MYO5B: variants seen among roughly 807,000 people sequenced by gnomAD.
MYO5B encodes myosin VB, also known as unconventional myosin-Vb.
MYO5B carries 143 observed loss-of-function variants against 229.3 expected under a neutral mutation model. The observed-to-expected ratio is 0.62, with a 90% CI of 0.54 to 0.72. The LOEUF (loss-of-function observed/expected upper bound fraction) is 0.72, where lower values mean the gene tolerates loss of function less well. Ranked by LOEUF, MYO5B falls within the 30% of genes least tolerant of loss-of-function variation. The pLI, the probability that MYO5B is intolerant of heterozygous loss-of-function variation, is 0.00. For synonymous variants in MYO5B, 918 were observed against 885.2 expected, an observed-to-expected ratio of 1.04 and a Z score of -0.66; for missense variants, 2,321 against 2,331.0, an observed-to-expected ratio of 1.00 and a Z score of 0.09.
chr18:50,069,774 A>T (rs1216590932), intron 1 of MYO5B, among the ~76,000 whole-genome samples: 8 of 152,162 alleles, frequency 5.3e-5, no homozygotes. Flanking sequence ...AACTGAACCC[A>T]GAAATAGACC....
intron 21 of MYO5B, among the ~76,000 whole-genome samples, chr18:49,899,417 C>T (rs2024816200): frequency 6.6e-6 from 1 of 152,160 alleles, no homozygotes; most frequent in Non-Finnish European, 1.5e-5. Context: ...ACTTTAAATG[C>T]CAGCCGGTCC....
rs374195912 is a variant in MYO5B, at chr18:49,894,990, C to T, written c.2996G>A (p.Arg999His). ...GCTGTGGGCGTCCTCCAAGATCTTG[C>T]GCTCCGAGTGGGCCCTCTGCAGCTC... is the stretch of plus-strand genomic sequence containing the variant. Reference protein sequence around the residue: ...RTELQRAHSERKILEDAHSRE... With the variant: ...RTELQRAHSEHKILEDAHSRE... The change falls in exon 22 of 40, where the codon CGC (arginine) becomes CAC (histidine). Residue 999 changes from arginine to histidine, a missense_variant. By Grantham distance (29) the Arg-to-His change is conservative (BLOSUM62 0). Transcript: ENST00000285039. 1.9e-5 allele frequency: 31 copies of T among 1,613,654 alleles called. No individual in the cohort carries two copies. Among genetic ancestry groups the T allele is most frequent in the Admixed American group, 1.2e-4 (7 of 60,000 alleles).
intron 1 of MYO5B, among the ~76,000 whole-genome samples, chr18:50,115,266 C>T (rs2031937560): frequency 1.3e-5 from 2 of 152,202 alleles, no homozygotes; most frequent in Admixed American, 6.5e-5. Flanking sequence ...TTCAAACACA[C>T]CACAAGGTCC....
intron 21 of MYO5B, among the ~76,000 whole-genome samples, chr18:49,895,911 G>T (rs563624809): frequency 6.6e-6 from 1 of 152,218 alleles, no homozygotes; most frequent in Non-Finnish European, 1.5e-5. Flanking sequence ...AATCAGCACC[G>T]CAAGAGTTGA....
At position 50,142,916 on chromosome 18, in the gene MYO5B, G is replaced by C. The variant is rs139898074; in HGVS notation, c.27+51851C>G. 7.9e-5 allele frequency among the ~76,000 whole-genome samples: 12 copies of C among 152,272 alleles called. 1 individual carries two copies. In the East Asian group the frequency reaches 2.3e-3, roughly 29 times the overall value. On this transcript the variant is annotated intron_variant, in intron 1 of 39. Transcript: ENST00000285039. Reference sequence around the variant, plus strand: ...TGAAGATGAGTGCCAGCAGACATACGATAGGAAAACACCTAAGAATGGAAA... The same window carrying C: ...TGAAGATGAGTGCCAGCAGACATACCATAGGAAAACACCTAAGAATGGAAA...
intron 1 of MYO5B, among the ~76,000 whole-genome samples, chr18:50,180,250 C>T (rs998579880): frequency 1.1e-4 from 17 of 152,286 alleles, no homozygotes; most frequent in African/African-American, 3.6e-4. Flanking sequence ...CCACACTGCC[C>T]CGCACTGGGC....
intron 1 of MYO5B, among the ~76,000 whole-genome samples, chr18:50,082,672 C>T (rs1332518649): frequency 6.6e-6 from 1 of 152,198 alleles, no homozygotes; most frequent in Non-Finnish European, 1.5e-5. Flanking sequence ...CTTCCAACTT[C>T]TGTCCCTCCT....
At chr18:49,903,826 C>T (rs1433127924) in intron 20 of MYO5B, among the ~76,000 whole-genome samples, 1 of 152,196 alleles carries the variant, frequency 6.6e-6, no homozygotes, top group Non-Finnish European at 1.5e-5. Flanking sequence ...CTCCTGAACC[C>T]AAGGGTTTTG....
At chr18:50,061,988 G>C (rs2030697927) in intron 1 of MYO5B, among the ~76,000 whole-genome samples, 1 of 152,128 alleles carries the variant, frequency 6.6e-6, no homozygotes, top group African/African-American at 2.4e-5. Flanking sequence ...TAAAAGTACT[G>C]AACAATTTGC....
chr18:49,860,319 C>T (rs993294897), intron 29 of MYO5B, among the ~76,000 whole-genome samples: 7 of 152,164 alleles, frequency 4.6e-5, no homozygotes, highest in African/African-American at 1.4e-4. Flanking sequence ...TAAACCACTT[C>T]CCCATCCTTC....
chr18:50,125,865 A>G (rs542949322), intron 1 of MYO5B, among the ~76,000 whole-genome samples: 1 of 152,352 alleles, frequency 6.6e-6, no homozygotes, highest in East Asian at 1.9e-4. Flanking sequence ...CACATGGATG[A>G]ACCTTCAGGA....
At chr18:50,182,879 T>C (rs1446647378) in intron 1 of MYO5B, among the ~76,000 whole-genome samples, 1 of 152,078 alleles carries the variant, frequency 6.6e-6, no homozygotes, top group Non-Finnish European at 1.5e-5. Flanking sequence ...ACCAATTCAA[T>C]GATATTTGTT....
chr18:49,854,389 G>A (rs922730179), intron 30 of MYO5B, among the ~76,000 whole-genome samples: 1 of 152,220 alleles, frequency 6.6e-6, no homozygotes, highest in Non-Finnish European at 1.5e-5. Context: ...AGACCAAGAG[G>A]TGCCAGTTAC....
Position 49,838,754 on chromosome 18 carries a change from C to T in MYO5B, c.4852+390G>A, listed in dbSNP as rs189883118. On this transcript the variant is annotated intron_variant, in intron 36 of 39. Coordinates refer to ENST00000285039, the MANE Select transcript of MYO5B (RefSeq NM_001080467.3). ...TCTAATAAATACTGATGCATCGTGC[C>T]GACTGCTGTGTCCTTTCGCATGAAC... Among the ~76,000 whole-genome samples the T allele has an allele frequency of 1.1e-4, 16 of 152,236 alleles. No homozygotes were observed. In the East Asian group the frequency reaches 2.3e-3, roughly 22 times the overall value.
chr18:50,038,948 T>A (rs2029919096), intron 3 of MYO5B, among the ~76,000 whole-genome samples: 1 of 152,200 alleles, frequency 6.6e-6, no homozygotes, highest in African/African-American at 2.4e-5. Flanking sequence ...ATCACAGCTC[T>A]CAAGCACTGG....
chr18:49,907,921 G>T (rs946145326), intron 18 of MYO5B, among the ~76,000 whole-genome samples: 2 of 152,248 alleles, frequency 1.3e-5, no homozygotes, highest in African/African-American at 4.8e-5. Flanking sequence ...GAGGAACAGG[G>T]GCTGGATGGG....
chr18:49,847,156 G>T lies in MYO5B; in HGVS notation c.4449C>A (p.Asn1483Lys). 1 of 1,614,116 alleles carries T rather than the reference G, an allele frequency of 6.2e-7. No individual in the cohort carries two copies. ...HKEDEALLIR[N>K]LVTDLKPQML... ...ACAGAGGGTCCTTACCTGTCACCAGGTTCCGGATGAGGAGGGCCTCGTCCT... is the reference window on the plus strand; with the variant it reads ...ACAGAGGGTCCTTACCTGTCACCAGTTTCCGGATGAGGAGGGCCTCGTCCT... Residue 1483 changes from asparagine (N) to lysine (K), a missense_variant, in exon 33 of 40, where the codon AAC (asparagine) becomes AAA (lysine). Asn to Lys is a moderately conservative substitution (Grantham distance 94). This residue lies in a region of MYO5B where 2,113 missense variants were observed against 2,044.7 expected (regional missense o/e 1.03). Coordinates refer to ENST00000285039, the MANE Select transcript of MYO5B (RefSeq NM_001080467.3).
chr18:50,063,537 G>A (rs878901016), intron 1 of MYO5B, among the ~76,000 whole-genome samples: 1 of 152,074 alleles, frequency 6.6e-6, no homozygotes, highest in Non-Finnish European at 1.5e-5. Flanking sequence ...ATACACAGAC[G>A]GGGACAGCAG....
intron 17 of MYO5B, among the ~76,000 whole-genome samples, chr18:49,929,250 C>A (rs755459777): frequency 3.9e-5 from 6 of 152,192 alleles, no homozygotes; most frequent in Non-Finnish European, 5.9e-5. Flanking sequence ...GCTAGCTCAT[C>A]ACTTAGACCA....
Sources: allele counts gnomAD v4.1 joint callset (sites outside exome capture counted in the v4.1 genomes callset), GRCh38; gene constraint gnomAD v4.1.1; regional missense constraint gnomAD v4.1.1; transcripts MANE v1.5; gene names NCBI Gene and HGNC (gene_info 2026-07-23, HGNC 2026-07-21).